DOCK2: variants seen among roughly 807,000 people sequenced by gnomAD.
The protein encoded by DOCK2 is dedicator of cytokinesis 2, also known as dedicator of cytokinesis protein 2.
DOCK2 carries 87 observed loss-of-function variants against 248.9 expected under a neutral mutation model. The ratio of observed to expected loss-of-function variants is 0.35; its 90% confidence interval spans 0.29 to 0.42. The LOEUF is 0.42. Among genes scored for constraint, DOCK2 ranks in the 10% least tolerant of loss-of-function variants. DOCK2 has a pLI of 1.00. For missense variants in DOCK2, 1,747 were observed against 2,300.2 expected (o/e 0.76, Z 4.92); for synonymous variants, 805 against 821.6 (o/e 0.98, Z 0.35).
chr5:169,711,613 A>T (rs1353739342), intron 15 of DOCK2, among the ~76,000 whole-genome samples: 1 of 152,256 alleles, frequency 6.6e-6, no homozygotes, highest in African/African-American at 2.4e-5. Flanking sequence ...TGCAGTTTGC[A>T]GTGCATCAAA....
In DOCK2 at chr5:170,021,370, G is replaced by A. The variant is rs10042724; in HGVS notation, c.3381+2262G>A. Among the ~76,000 whole-genome samples the A allele has an allele frequency of 8.8e-3, 1,337 of 152,292 alleles. 22 individuals carry two copies. The highest frequency in any genetic ancestry group is 0.028 in the African/African-American group (1,178 of 41,560). Reference sequence around the variant, plus strand: ...CCTCAGACCCACTTCTGAGGCCAGCGGGTGCCTTAGAAGAGTTCCTGGGAA... The same window carrying A: ...CCTCAGACCCACTTCTGAGGCCAGCAGGTGCCTTAGAAGAGTTCCTGGGAA... On this transcript the variant is annotated intron_variant, in intron 33 of 51. Coordinates refer to ENST00000520908, the MANE Select transcript of DOCK2 (RefSeq NM_004946.3).
intron 27 of DOCK2, among the ~76,000 whole-genome samples, chr5:169,937,489 C>T (rs961133136): frequency 3.9e-5 from 6 of 152,138 alleles, no homozygotes; most frequent in African/African-American, 1.4e-4. Context: ...GTGCTTGGCA[C>T]ATAGTAAGTG....
chr5:170,079,504 C>T lies in DOCK2; in HGVS notation c.5166+358C>T, dbSNP rs1368793921. 1.2e-5 allele frequency: 3 copies of T among 242,830 alleles called. No homozygotes were observed. In the East Asian group the frequency reaches 2.6e-4, roughly 21 times the overall value. 15.0% of individuals were successfully genotyped at this position (242,830 alleles called of 1,614,324 possible). A position where few individuals can be genotyped will look rare whatever the true frequency, so the allele number is the denominator to read the frequency against. Reference sequence around the variant, plus strand: ...TACTGAGCTAGGTGTTTCTATAGCCCCCAGCCCCAGGCCTATTCTAACCAC... The same window carrying T: ...TACTGAGCTAGGTGTTTCTATAGCCTCCAGCCCCAGGCCTATTCTAACCAC... On this transcript the variant is annotated intron_variant, in intron 49 of 51. Transcript: ENST00000520908.
intron 27 of DOCK2, among the ~76,000 whole-genome samples, chr5:169,977,442 G>T (rs1325692657): frequency 6.6e-6 from 1 of 152,100 alleles, no homozygotes; most frequent in Non-Finnish European, 1.5e-5. Flanking sequence ...TGCTATTATC[G>T]AGGGCTTTCC....
rs755751400 is a variant in DOCK2 at position 170,036,470 on chromosome 5, A to G, written c.3625-45A>G. On this transcript the variant is annotated intron_variant, in intron 35 of 51. Coordinates refer to ENST00000520908, the MANE Select transcript of DOCK2 (RefSeq NM_004946.3). ...TCACCACACCCTTGACCGCTGTGAT[A>G]TTGCAGAGAACAACACTCATCATTG... The G allele has an allele frequency of 1.1e-5, 18 of 1,595,324 alleles. No homozygotes were observed. In the South Asian group the frequency reaches 1.8e-4, roughly 16 times the overall value.
chr5:169,834,078 C>T (rs879463552), intron 26 of DOCK2, among the ~76,000 whole-genome samples: 5 of 146,604 alleles, frequency 3.4e-5, no homozygotes, highest in South Asian at 2.2e-4. Flanking sequence ...GATCACCCTG[C>T]AATAAGCTCA....
intron 35 of DOCK2, 104 bp downstream of exon 35, chr5:170,034,659 G>C (rs1561891079): frequency 8.2e-6 from 12 of 1,458,948 alleles, no homozygotes; most frequent in East Asian, 7.4e-5. Context: ...AGTGCTTAAG[G>C]GCTTTGGAAA....
chr5:170,032,172 G>A (rs10085016), intron 34 of DOCK2, among the ~76,000 whole-genome samples: 4,060 of 151,998 alleles, frequency 0.027, 172 homozygotes, highest in African/African-American at 0.093. Flanking sequence ...GACTACAGGC[G>A]CCCACTACCA....
At chr5:169,956,187 G>A (rs1370799553) in intron 27 of DOCK2, among the ~76,000 whole-genome samples, 1 of 152,218 alleles carries the variant, frequency 6.6e-6, no homozygotes, top group Non-Finnish European at 1.5e-5. Flanking sequence ...AAACTTGATG[G>A]TCTCTAAGAT....
rs1776622426 is a variant in DOCK2 at position 169,950,617 on chromosome 5, T to C, written c.2800-32451T>C. ...CACCTGGATCATGCTACAGATTTTCTATGTGACAGGAGGCCTCAGGTGTAC... is the reference window on the plus strand; with the variant it reads ...CACCTGGATCATGCTACAGATTTTCCATGTGACAGGAGGCCTCAGGTGTAC... On this transcript the variant is annotated intron_variant, in intron 27 of 51. Coordinates refer to ENST00000520908, the MANE Select transcript of DOCK2 (RefSeq NM_004946.3). Among the ~76,000 whole-genome samples, 3 of 152,234 alleles carry C rather than the reference T, an allele frequency of 2.0e-5. 1 individual carries two copies. The highest frequency in any genetic ancestry group is 1.3e-4 in the Admixed American group (2 of 15,286).
chr5:169,811,589 T>A (rs1767762268), intron 26 of DOCK2, among the ~76,000 whole-genome samples: 2 of 152,104 alleles, frequency 1.3e-5, no homozygotes, highest in South Asian at 2.1e-4. Context: ...TTCCGTGGAG[T>A]TAGAAATGCC....
chr5:170,050,549 C>G (rs573774864), intron 41 of DOCK2, 152 bp downstream of exon 41: 4 of 971,818 alleles, frequency 4.1e-6, no homozygotes, highest in Non-Finnish European at 6.0e-6. Flanking sequence ...TTCTTTGGAT[C>G]CATGTTCTTT....
chr5:169,818,175 G>T (rs1339611033), intron 26 of DOCK2, among the ~76,000 whole-genome samples: 1 of 152,154 alleles, frequency 6.6e-6, no homozygotes, highest in African/African-American at 2.4e-5. Flanking sequence ...GAGCTCACAT[G>T]TACTTCTCAT....
chr5:169,813,662 G>A (rs949497972), intron 26 of DOCK2, among the ~76,000 whole-genome samples: 8 of 152,224 alleles, frequency 5.3e-5, no homozygotes, highest in South Asian at 2.1e-4. Flanking sequence ...CTCCAGGGAT[G>A]TAGTGTTTTT....
chr5:169,813,689 C>T (rs1193608393), intron 26 of DOCK2, among the ~76,000 whole-genome samples: 1 of 152,150 alleles, frequency 6.6e-6, no homozygotes, highest in Non-Finnish European at 1.5e-5. Context: ...AACTAAACAC[C>T]CAACATAGAC....
chr5:169,985,808 G>C lies in DOCK2; in HGVS notation c.2899-20G>C. Reference sequence around the variant, plus strand: ...TCCTGTAAAACAGGATGACATGTGTGCTGTGCTTCATTGTTTCAGGACTTC... The same window carrying C: ...TCCTGTAAAACAGGATGACATGTGTCCTGTGCTTCATTGTTTCAGGACTTC... On this transcript the variant is annotated intron_variant, in intron 28 of 51. Transcript: ENST00000520908. The C allele has an allele frequency of 1.3e-6, 2 of 1,592,612 alleles. No individual in the cohort carries two copies. Among genetic ancestry groups the C allele is most frequent in the Non-Finnish European group, 1.7e-6 (2 of 1,167,244 alleles).
chr5:169,788,188 C>T (rs1766106779), intron 25 of DOCK2, among the ~76,000 whole-genome samples: 1 of 152,122 alleles, frequency 6.6e-6, no homozygotes. Flanking sequence ...AATCTGGTCA[C>T]ATCTCTCTCT....
intron 27 of DOCK2, among the ~76,000 whole-genome samples, chr5:169,868,196 T>G (rs538495113): frequency 7.9e-4 from 121 of 152,320 alleles, no homozygotes; most frequent in African/African-American, 2.9e-3. Flanking sequence ...CAACAGTAAG[T>G]TAGACAGATG....
intron 19 of DOCK2, among the ~76,000 whole-genome samples, chr5:169,714,785 G>A (rs1761811679): frequency 6.6e-6 from 1 of 152,124 alleles, no homozygotes; most frequent in East Asian, 1.9e-4. Flanking sequence ...GCTGTTATGA[G>A]CATTCAAGGT....
Sources: gnomAD v4.1 joint callset for allele counts (sites outside exome capture counted in the v4.1 genomes callset) on GRCh38, gnomAD v4.1.1 for gene constraint, MANE v1.5 for transcripts, NCBI Gene and HGNC (gene_info 2026-07-23, HGNC 2026-07-21) for gene names.